Variants in BANK1 observed in about 807,000 individuals in gnomAD.
The protein encoded by BANK1 is B-cell scaffold protein with ankyrin repeats.
In BANK1, 95 loss-of-function variants were observed where a neutral mutation model predicts 94.5. That is an observed-to-expected ratio of 1.00 (90% CI 0.85 to 1.19). The LOEUF is 1.19. Among genes scored for constraint, BANK1 ranks in the 50% most tolerant of loss-of-function variants. The pLI, the probability that BANK1 is intolerant of heterozygous loss-of-function variation, is 0.00. For missense variants in BANK1, 987 were observed against 932.2 expected (o/e 1.06, Z -0.77); for synonymous variants, 334 against 308.4 (o/e 1.08, Z -0.87).
intron 7 of BANK1, among the ~76,000 whole-genome samples, chr4:101,939,561 A>G (rs1489293865): frequency 6.6e-6 from 1 of 151,706 alleles, no homozygotes; most frequent in Admixed American, 6.6e-5. Flanking sequence ...GTAGAGAGAC[A>G]GAGGTTGAGA....
intron 7 of BANK1, among the ~76,000 whole-genome samples, chr4:101,951,581 T>G (rs1724154658): frequency 6.6e-6 from 1 of 152,138 alleles, no homozygotes; most frequent in South Asian, 2.1e-4. Context: ...TAGATTAGAC[T>G]GTTTCTTTGT....
At chr4:101,998,155 T>C (rs1339424545) in intron 7 of BANK1, among the ~76,000 whole-genome samples, 1 of 152,238 alleles carries the variant, frequency 6.6e-6, no homozygotes, top group Non-Finnish European at 1.5e-5. Flanking sequence ...TATTTATTTA[T>C]GCCTTAATTT....
At chr4:102,016,732 A>G (rs1401138478) in intron 7 of BANK1, among the ~76,000 whole-genome samples, 4 of 152,172 alleles carry the variant, frequency 2.6e-5, no homozygotes, top group South Asian at 2.1e-4. Context: ...TTTTTCTGAC[A>G]TATCTCCCTT....
chr4:102,067,551 G>A (rs998110562), intron 13 of BANK1, among the ~76,000 whole-genome samples: 1 of 151,918 alleles, frequency 6.6e-6, no homozygotes, highest in East Asian at 1.9e-4. Context: ...AAAATAGAGA[G>A]TATTACAAAA....
chr4:101,852,469 GCT>G (rs1491216845), intron 2 of BANK1, among the ~76,000 whole-genome samples: 10 of 54,126 alleles, frequency 1.8e-4, no homozygotes, highest in African/African-American at 3.3e-4. Context: ...ATATTTTTCG[GCT>G]ATATATATAT....
intron 5 of BANK1, among the ~76,000 whole-genome samples, chr4:101,884,693 C>A (rs573477376): frequency 6.6e-6 from 1 of 152,312 alleles, no homozygotes; most frequent in East Asian, 1.9e-4. Context: ...CATACTTACT[C>A]TACAAATTCA....
At chr4:101,799,596 C>T (rs746471758) in intron 1 of BANK1, among the ~76,000 whole-genome samples, 10 of 152,116 alleles carry the variant, frequency 6.6e-5, no homozygotes, top group Non-Finnish European at 8.8e-5. Flanking sequence ...ATTTGGTGGC[C>T]GGGCCTGGTG....
chr4:102,045,478 T>C (rs1727849597), intron 11 of BANK1, among the ~76,000 whole-genome samples: 1 of 152,182 alleles, frequency 6.6e-6, no homozygotes, highest in East Asian at 1.9e-4. Flanking sequence ...GGGTATTCAA[T>C]TGGGAAAAAG....
intron 7 of BANK1, among the ~76,000 whole-genome samples, chr4:101,959,020 A>T (rs1185753641): frequency 6.6e-6 from 1 of 152,230 alleles, no homozygotes; most frequent in Non-Finnish European, 1.5e-5. Flanking sequence ...ATTCATGATT[A>T]TAGCAAGAAA....
At chr4:101,798,971 T>C (rs938468071) in intron 1 of BANK1, among the ~76,000 whole-genome samples, 1 of 152,230 alleles carries the variant, frequency 6.6e-6, no homozygotes, top group Non-Finnish European at 1.5e-5. Context: ...TTTAATTAGA[T>C]CCCATTTGTC....
intron 7 of BANK1, among the ~76,000 whole-genome samples, chr4:102,009,835 A>C (rs1425181982): frequency 6.6e-6 from 1 of 152,164 alleles, no homozygotes; most frequent in Admixed American, 6.5e-5. Context: ...TATATCATAT[A>C]AATTATACAT....
At chr4:101,906,216 G>A (rs1268934083) in intron 6 of BANK1, among the ~76,000 whole-genome samples, 2 of 152,186 alleles carry the variant, frequency 1.3e-5, no homozygotes, top group South Asian at 2.1e-4. Flanking sequence ...ACTGGAAACA[G>A]CAACATTCTT....
intron 7 of BANK1, among the ~76,000 whole-genome samples, chr4:101,932,874 A>G (rs933459326): frequency 6.6e-6 from 1 of 151,552 alleles, no homozygotes; most frequent in Non-Finnish European, 1.5e-5. Context: ...AACTAAATTT[A>G]TCTTTAGTGT....
intron 7 of BANK1, among the ~76,000 whole-genome samples, chr4:101,937,789 C>T (rs1244187319): frequency 6.6e-6 from 1 of 151,844 alleles, no homozygotes; most frequent in Non-Finnish European, 1.5e-5. Context: ...CACATGCACA[C>T]ATATGTTTAC....
intron 10 of BANK1, among the ~76,000 whole-genome samples, chr4:102,038,551 A>T (rs1411653123): frequency 1.3e-5 from 2 of 152,144 alleles, no homozygotes; most frequent in Admixed American, 1.3e-4. Context: ...TGTTCAATAC[A>T]TGCTGCCTCC....
intron 7 of BANK1, among the ~76,000 whole-genome samples, chr4:101,980,196 A>G (rs905008839): frequency 1.3e-5 from 2 of 151,814 alleles, no homozygotes; most frequent in Non-Finnish European, 2.9e-5. Flanking sequence ...TTTCTGTGTC[A>G]ATGTTAGAAA....
chr4:101,888,461 T>C (rs1291762872), intron 5 of BANK1, among the ~76,000 whole-genome samples: 2 of 152,214 alleles, frequency 1.3e-5, no homozygotes, highest in Non-Finnish European at 2.9e-5. Context: ...TGTTGGGAAC[T>C]GCAGTGGTGA....
intron 1 of BANK1, among the ~76,000 whole-genome samples, chr4:101,826,137 C>T (rs2148861692): frequency 6.6e-6 from 1 of 152,154 alleles, no homozygotes; most frequent in African/African-American, 2.4e-5. Flanking sequence ...TCTGTTTCCT[C>T]TTTCTCCTTG....
At chr4:101,801,598 G>A (rs535590712) in intron 1 of BANK1, among the ~76,000 whole-genome samples, 2 of 152,214 alleles carry the variant, frequency 1.3e-5, no homozygotes, top group African/African-American at 4.8e-5. Context: ...ACCACACAAG[G>A]CATTTTCATA....
Sources: gnomAD v4.1 joint callset for allele counts (sites outside exome capture counted in the v4.1 genomes callset) on GRCh38, gnomAD v4.1.1 for gene constraint, MANE v1.5 for transcripts, NCBI Gene and HGNC (gene_info 2026-07-23, HGNC 2026-07-21) for gene names.